Variants in CDH18 observed in about 807,000 individuals in gnomAD.
CDH18 encodes cadherin 18.
In CDH18, 31 loss-of-function variants were observed where a neutral mutation model predicts 67.9. That is an observed-to-expected ratio of 0.46 (90% CI 0.34 to 0.62). The LOEUF (loss-of-function observed/expected upper bound fraction) is 0.62. Ranked by LOEUF, CDH18 falls within the 20% of genes least tolerant of loss-of-function variation. The pLI is 0.01. For synonymous variants in CDH18, 362 were observed against 347.2 expected, an observed-to-expected ratio of 1.04 and a Z score of -0.48; for missense variants, 890 against 975.5, an observed-to-expected ratio of 0.91 and a Z score of 1.17.
intron 1 of CDH18, among the ~76,000 whole-genome samples, chr5:20,268,290 G>A (rs1745192839): frequency 6.6e-6 from 1 of 152,056 alleles, no homozygotes; most frequent in African/African-American, 2.4e-5. Context: ...GTATTCCTTT[G>A]GGTATTGGTT....
chr5:20,246,945 GAT>G (rs777929821), intron 2 of CDH18, among the ~76,000 whole-genome samples: 3 of 152,082 alleles, frequency 2.0e-5, no homozygotes, highest in Non-Finnish European at 4.4e-5. Flanking sequence ...AACATCCCAT[GAT>G]AGGTTAATCA....
At chr5:20,029,060 AT>A (rs150886338) in intron 2 of CDH18, among the ~76,000 whole-genome samples, 2 of 152,094 alleles carry the variant, frequency 1.3e-5, no homozygotes, top group Non-Finnish European at 2.9e-5. Context: ...AGCAACAGAC[AT>A]TTTTTGTATG....
At chr5:19,895,707 C>A (rs1042649985) in intron 2 of CDH18, among the ~76,000 whole-genome samples, 3 of 152,130 alleles carry the variant, frequency 2.0e-5, no homozygotes, top group African/African-American at 7.2e-5. Flanking sequence ...ATAAACATAA[C>A]ACTCGGATGA....
intron 2 of CDH18, among the ~76,000 whole-genome samples, chr5:19,941,436 T>A (rs1224025941): frequency 6.6e-6 from 1 of 152,090 alleles, no homozygotes; most frequent in African/African-American, 2.4e-5. Context: ...AGTCCAACTT[T>A]ACTGCCAGTG....
At chr5:20,335,493 T>G (rs1255531916) in intron 1 of CDH18, among the ~76,000 whole-genome samples, 2 of 152,160 alleles carry the variant, frequency 1.3e-5, no homozygotes, top group Admixed American at 6.6e-5. Flanking sequence ...TCCTCCCACC[T>G]TGCCCTCCCA....
chr5:20,496,810 C>A (rs961943332), intron 1 of CDH18, among the ~76,000 whole-genome samples: 1 of 151,994 alleles, frequency 6.6e-6, no homozygotes, highest in South Asian at 2.1e-4. Context: ...CCTTACGTAG[C>A]TTTCAGTCTA....
chr5:19,503,377 G>T (rs1356869521), intron 10 of CDH18, among the ~76,000 whole-genome samples: 1 of 151,492 alleles, frequency 6.6e-6, no homozygotes, highest in Non-Finnish European at 1.5e-5. Context: ...TTCTTAATCA[G>T]CCATGGTACT....
Position 19,838,827 on chromosome 5 carries a change from C to T in CDH18, c.160G>A (p.Gly54Arg). Residue 54 changes from glycine (G) to arginine (R), a missense_variant, in exon 3 of 13, where the codon GGA becomes AGA. Physicochemically the swap from Gly to Arg is moderately radical, Grantham distance 125 (BLOSUM62 -2). This residue lies in a region of CDH18 where 234 missense variants were observed against 307.4 expected (regional missense o/e 0.76). Coordinates refer to ENST00000382275, the MANE Select transcript of CDH18 (RefSeq NM_004934.5). ...ETEVHHRPKR[G>R]WVWNQFFVLE... Reference sequence around the variant, plus strand: ...ACAAAGAACTGATTCCATACCCATCCCCTTTTGGGACGATGATGGACTTCG... The same window carrying T: ...ACAAAGAACTGATTCCATACCCATCTCCTTTTGGGACGATGATGGACTTCG... 6.2e-7 allele frequency: 1 copy of T among 1,613,998 alleles called. No individual in the cohort carries two copies. The highest frequency in any genetic ancestry group is 8.5e-7 in the Non-Finnish European group (1 of 1,179,938).
intron 8 of CDH18, among the ~76,000 whole-genome samples, chr5:19,567,796 T>C (rs1356164155): frequency 1.3e-5 from 2 of 152,096 alleles, no homozygotes; most frequent in Non-Finnish European, 2.9e-5. Context: ...CTTCCCTTCT[T>C]AGCATTTGGA....
chr5:19,640,870 A>T lies in CDH18; in HGVS notation c.644-28269T>A, dbSNP rs1413761947. On this transcript the variant is annotated intron_variant, in intron 5 of 12. Transcript: ENST00000382275. Reference sequence around the variant, plus strand: ...ATTATAACTAAATCAGCTGGAGAGAAAAAATAGACCAAATCATCAGAACTA... The same window carrying T: ...ATTATAACTAAATCAGCTGGAGAGATAAAATAGACCAAATCATCAGAACTA... Among the ~76,000 whole-genome samples, 3 of 152,014 alleles carry T rather than the reference A, an allele frequency of 2.0e-5. No homozygotes were observed. In the East Asian group the frequency reaches 5.8e-4, roughly 29 times the overall value.
At chr5:19,948,659 C>A (rs892965896) in intron 2 of CDH18, among the ~76,000 whole-genome samples, 1 of 152,046 alleles carries the variant, frequency 6.6e-6, no homozygotes, top group African/African-American at 2.4e-5. Context: ...CGCTCACACA[C>A]ACACAAATAA....
At chr5:19,926,690 G>C (rs1025820080) in intron 2 of CDH18, among the ~76,000 whole-genome samples, 1 of 151,920 alleles carries the variant, frequency 6.6e-6, no homozygotes, top group Non-Finnish European at 1.5e-5. Flanking sequence ...TTTTCCATTA[G>C]ATAGTTTACA....
At chr5:19,891,033 C>T (rs549083373) in intron 2 of CDH18, among the ~76,000 whole-genome samples, 2 of 152,158 alleles carry the variant, frequency 1.3e-5, no homozygotes, top group African/African-American at 4.8e-5. Context: ...TAGTAAGACT[C>T]TAATATCCAA....
chr5:20,540,194 G>A lies in CDH18; in HGVS notation c.-580+35268C>T, dbSNP rs371398436. On this transcript the variant is annotated intron_variant, in intron 1 of 14. Coordinates refer to the CDH18 transcript ENST00000507958. The stretch of plus-strand genomic sequence containing the variant: ...AAAGTAGAGAGACTTGTGTCTTCTA[G>A]CAATACAGACATTTAAGCCTCATTG... 2.0e-5 allele frequency among the ~76,000 whole-genome samples: 3 copies of A among 152,198 alleles called. No homozygotes were observed. The East Asian group carries it at 5.8e-4, about 29-fold the overall frequency.
intron 2 of CDH18, among the ~76,000 whole-genome samples, chr5:20,062,312 T>C (rs899207417): frequency 1.3e-5 from 2 of 151,930 alleles, no homozygotes; most frequent in African/African-American, 4.8e-5. Flanking sequence ...TGTGCCATCA[T>C]GCCTGGGCTA....
At chr5:20,427,767 C>A (rs1057197461) in intron 1 of CDH18, among the ~76,000 whole-genome samples, 2 of 151,064 alleles carry the variant, frequency 1.3e-5, no homozygotes, top group Non-Finnish European at 2.9e-5. Flanking sequence ...GAAAATAATA[C>A]TAGAAATGGA....
At chr5:19,511,769 G>T (rs1327786333) in intron 10 of CDH18, among the ~76,000 whole-genome samples, 1 of 152,088 alleles carries the variant, frequency 6.6e-6, no homozygotes. Flanking sequence ...TTTGAATTTG[G>T]AACTTAGGTT....
At chr5:20,480,660 C>T (rs941104244) in intron 1 of CDH18, among the ~76,000 whole-genome samples, 1 of 152,108 alleles carries the variant, frequency 6.6e-6, no homozygotes, top group African/African-American at 2.4e-5. Flanking sequence ...AGCAATCTGC[C>T]CTCCTCAGCC....
intron 3 of CDH18, among the ~76,000 whole-genome samples, chr5:19,811,242 A>T (rs1437309721): frequency 6.6e-6 from 1 of 152,070 alleles, no homozygotes; most frequent in African/African-American, 2.4e-5. Context: ...TAAAGAAAGA[A>T]GCATATGTTA....
Sources: gnomAD v4.1 joint callset for allele counts (sites outside exome capture counted in the v4.1 genomes callset) on GRCh38, gnomAD v4.1.1 for gene constraint, gnomAD v4.1.1 regional missense constraint, MANE v1.5 for transcripts, NCBI Gene and HGNC (gene_info 2026-07-23, HGNC 2026-07-21) for gene names.